PXYLP1: variants seen among roughly 807,000 people sequenced by gnomAD.
The protein encoded by PXYLP1 is acid phosphatase-like 2.
A neutral mutation model predicts 37.9 loss-of-function variants in PXYLP1; 17 were observed. The observed-to-expected ratio is 0.45, with a 90% CI of 0.31 to 0.67. The LOEUF is 0.67. PXYLP1 is among the 30% of genes least tolerant of loss of function. PXYLP1 has a pLI of 0.07. For synonymous variants in PXYLP1, 221 were observed against 232.2 expected (o/e 0.95, Z 0.44); for missense variants, 511 against 612.0 (o/e 0.84, Z 1.74).
rs1268756493 is a variant in PXYLP1, at chr3:141,231,883, G to C, written c.-82G>C. On this transcript the variant is annotated 5_prime_UTR_variant, in exon 1 of 6. Transcript: ENST00000286353. This position sits in a 1 kb window ranked among gnomAD's most constrained non-coding sequence, Gnocchi z 4.4. ...GCGCCGAGCCGGGCGCGCAGCGACGGAGCTGGGGCCGGCCTGGGACCATGG... is the reference window on the plus strand; with the variant it reads ...GCGCCGAGCCGGGCGCGCAGCGACGCAGCTGGGGCCGGCCTGGGACCATGG... The C allele has an allele frequency of 6.6e-6, 1 of 151,606 alleles. No individual in the cohort carries two copies. The highest frequency in any genetic ancestry group is 1.5e-5 in the Non-Finnish European group (1 of 67,914). The allele number at this position is 151,606 out of a possible 1,614,324, so 9.4% of individuals were successfully genotyped here.
chr3:141,282,002 A>G (rs528766479), intron 4 of PXYLP1, among the ~76,000 whole-genome samples: 3 of 152,282 alleles, frequency 2.0e-5, no homozygotes, highest in African/African-American at 4.8e-5. Flanking sequence ...TCTGACAGCC[A>G]TAGTGTGGAA....
intron 4 of PXYLP1, among the ~76,000 whole-genome samples, chr3:141,285,448 C>G (rs1942054374): frequency 6.6e-6 from 1 of 151,842 alleles, no homozygotes; most frequent in Non-Finnish European, 1.5e-5. Flanking sequence ...GGCCTGTTAG[C>G]TATTCTTTAA....
chr3:141,271,824 T>C (rs964439095), intron 2 of PXYLP1, among the ~76,000 whole-genome samples: 1 of 152,146 alleles, frequency 6.6e-6, no homozygotes, highest in Admixed American at 6.5e-5. Context: ...ATCCCTGGGC[T>C]AGTTAGCAAG....
chr3:141,260,213 T>C lies in PXYLP1; in HGVS notation c.38T>C (p.Leu13Pro), dbSNP rs145849955. The C allele has an allele frequency of 6.2e-7, 1 of 1,613,558 alleles. No individual in the cohort carries two copies. The highest frequency in any genetic ancestry group is 8.5e-7 in the Non-Finnish European group (1 of 1,180,030). The change falls in exon 2 of 6, where the codon CTG (leucine) becomes CCG (proline). Residue 13 changes from leucine to proline, a missense_variant. Transcript: ENST00000286353. The part of the protein sequence containing the change: ...FRNRFLLLLA[L>P]AALLAFVSLS... ...AACCGCTTCTTGCTGCTGCTGGCCC[T>C]GGCTGCGCTGCTGGCCTTTGTGAGC...
intron 2 of PXYLP1, chr3:141,262,281 T>C: frequency 3.0e-6 from 3 of 993,860 alleles, no homozygotes; most frequent in Non-Finnish European, 2.4e-6. Context: ...GCATCAGAAG[T>C]TTAAAAATAT....
At chr3:141,283,334 TTTAG>T (rs1205601138) in intron 4 of PXYLP1, among the ~76,000 whole-genome samples, 2 of 151,624 alleles carry the variant, frequency 1.3e-5, no homozygotes, top group Non-Finnish European at 2.9e-5. Flanking sequence ...GAAAAAGAGG[TTTAG>T]TTGAGAATCT....
At chr3:141,250,321 T>C (rs1941113408) in intron 1 of PXYLP1, among the ~76,000 whole-genome samples, 1 of 152,210 alleles carries the variant, frequency 6.6e-6, no homozygotes, top group South Asian at 2.1e-4. Flanking sequence ...CATCAGATGA[T>C]TGTGTTTAAA....
intron 2 of PXYLP1, among the ~76,000 whole-genome samples, chr3:141,260,683 C>A (rs1941374359): frequency 6.6e-6 from 1 of 152,192 alleles, no homozygotes; most frequent in Non-Finnish European, 1.5e-5. Context: ...CAAACCCACC[C>A]CCCAGGCAGC....
intron 2 of PXYLP1, among the ~76,000 whole-genome samples, chr3:141,269,234 T>C (rs959783284): frequency 2.6e-5 from 4 of 152,352 alleles, no homozygotes; most frequent in Admixed American, 2.0e-4. Context: ...AGGAAACTTA[T>C]TTGCTCCTCT....
At chr3:141,260,934 G>A (rs529607832) in intron 2 of PXYLP1, among the ~76,000 whole-genome samples, 20 of 152,320 alleles carry the variant, frequency 1.3e-4, no homozygotes, top group African/African-American at 4.8e-4. Context: ...TTGCCCTCCT[G>A]TGGCCCCTCT....
chr3:141,233,793 T>G (rs1340030051), intron 1 of PXYLP1, among the ~76,000 whole-genome samples: 2 of 152,204 alleles, frequency 1.3e-5, no homozygotes, highest in Non-Finnish European at 2.9e-5. Context: ...ATTGATCAGC[T>G]TGAATAGTTA....
At chr3:141,246,945 C>T (rs969389840) in intron 1 of PXYLP1, among the ~76,000 whole-genome samples, 3 of 152,244 alleles carry the variant, frequency 2.0e-5, no homozygotes, top group African/African-American at 7.2e-5. Flanking sequence ...TTCCAACCCA[C>T]TACCTGTCTC....
rs1940923700 is a variant in PXYLP1, at chr3:141,245,898, G to A, written c.-54+13987G>A. On this transcript the variant is annotated intron_variant, in intron 1 of 5. Transcript: ENST00000286353. ...TACACAGCTTTGCTGTTGTTGTTTG[G>A]ATAGAGAGATTATGATGTTTTCAGA... is the stretch of plus-strand genomic sequence containing the variant. Among the ~76,000 whole-genome samples, 9 of 152,220 alleles carry A rather than the reference G, an allele frequency of 5.9e-5. No individual in the cohort carries two copies. The South Asian group carries it at 1.9e-3, about 32-fold the overall frequency.
At chr3:141,253,634 C>A (rs1006404660) in intron 1 of PXYLP1, among the ~76,000 whole-genome samples, 9 of 151,300 alleles carry the variant, frequency 5.9e-5, no homozygotes, top group African/African-American at 2.2e-4. Flanking sequence ...TGTTTACTCC[C>A]TACTTCCCTC....
chr3:141,289,021 A>G (rs141046857), intron 5 of PXYLP1, among the ~76,000 whole-genome samples: 41 of 152,380 alleles, frequency 2.7e-4, no homozygotes, highest in Non-Finnish European at 2.9e-4. Flanking sequence ...GTGTCTCTGT[A>G]TAAATGCTTA....
chr3:141,246,604 C>A (rs1213597816), intron 1 of PXYLP1, among the ~76,000 whole-genome samples: 2 of 152,106 alleles, frequency 1.3e-5, no homozygotes, highest in Non-Finnish European at 2.9e-5. Flanking sequence ...AGTGAGTCCT[C>A]CATTCATTAA....
chr3:141,268,206 AGTGT>A (rs112453738), intron 2 of PXYLP1, among the ~76,000 whole-genome samples: 1,446 of 51,076 alleles, frequency 0.028, 12 homozygotes, highest in African/African-American at 0.053. Context: ...AGAGAGAGAG[AGTGT>A]GTGTGTGTGT....
intron 1 of PXYLP1, among the ~76,000 whole-genome samples, chr3:141,251,030 T>C (rs1189849179): frequency 6.6e-6 from 1 of 152,246 alleles, no homozygotes; most frequent in East Asian, 1.9e-4. Context: ...TTCTGCCTAA[T>C]GCAGCTCATG....
chr3:141,286,214 G>T (rs540080239), intron 4 of PXYLP1, among the ~76,000 whole-genome samples: 5 of 152,200 alleles, frequency 3.3e-5, no homozygotes, highest in Admixed American at 3.3e-4. Context: ...ATATTCATAG[G>T]TCATTTCATT....
Sources: gnomAD v4.1 joint callset for allele counts (sites outside exome capture counted in the v4.1 genomes callset) on GRCh38, gnomAD v4.1.1 for gene constraint, Gnocchi (gnomAD v3.1) non-coding constraint, MANE v1.5 for transcripts, NCBI Gene and HGNC (gene_info 2026-07-23, HGNC 2026-07-21) for gene names.